The following CCNY variants were observed in gnomAD, a reference collection of about 807,000 sequenced individuals.
CCNY encodes the protein cyclin-Y.
CCNY carries 19 observed loss-of-function variants against 42.8 expected under a neutral mutation model. That is an observed-to-expected ratio of 0.44 (90% CI 0.31 to 0.65). The LOEUF is 0.65. Ranked by LOEUF, CCNY falls within the 30% of genes least tolerant of loss-of-function variation. The pLI, the probability that CCNY is intolerant of heterozygous loss-of-function variation, is 0.07. For synonymous variants in CCNY, 165 were observed against 162.7 expected, an observed-to-expected ratio of 1.01 and a Z score of -0.11; for missense variants, 370 against 437.3, an observed-to-expected ratio of 0.85 and a Z score of 1.37.
At chr10:35,250,193 C>CAAAAAA (rs71523370) in intron 2 of CCNY, among the ~76,000 whole-genome samples, 1 of 77,812 alleles carries the variant, frequency 1.3e-5, no homozygotes, top group Admixed American at 1.6e-4. Flanking sequence ...GACTCCATCT[C>CAAAAAA]AAAAAAAAAA....
chr10:35,269,617 CTT>C (rs1316358097), intron 3 of CCNY, among the ~76,000 whole-genome samples: 3 of 130,700 alleles, frequency 2.3e-5, no homozygotes, highest in South Asian at 2.4e-4. Context: ...GTTCGCCACT[CTT>C]TTTTTTTTTT....
intron 1 of CCNY, among the ~76,000 whole-genome samples, chr10:35,384,384 C>T (rs752730690): frequency 1.5e-4 from 23 of 152,116 alleles, no homozygotes; most frequent in Non-Finnish European, 2.4e-4. Flanking sequence ...TAGTCAGTTA[C>T]GTATTCCTCT....
chr10:35,552,643 T>A (rs1033610523), intron 7 of CCNY, among the ~76,000 whole-genome samples: 1 of 152,238 alleles, frequency 6.6e-6, no homozygotes, highest in Non-Finnish European at 1.5e-5. Flanking sequence ...ACAAAAAGCT[T>A]AATTTAAAAA....
intron 1 of CCNY, among the ~76,000 whole-genome samples, chr10:35,463,850 A>G (rs1012368905): frequency 6.6e-6 from 1 of 152,210 alleles, no homozygotes; most frequent in African/African-American, 2.4e-5. Context: ...GGATTTGGGA[A>G]GTAAGTTTAT....
chr10:35,336,932 C>T lies in CCNY; in HGVS notation c.-122C>T. The T allele has an allele frequency of 1.6e-6, 1 of 634,986 alleles. No homozygotes were observed. Among genetic ancestry groups the T allele is most frequent in the Non-Finnish European group, 2.0e-6 (1 of 490,780 alleles). The allele number at this position is 634,986 out of a possible 1,614,324, so 39.3% of individuals were successfully genotyped here. ...GGCCGGCCGCCGTTCCGCCCCCTCC[C>T]GTGGCGGCGAGCGGGCGGGCCTCCC... On this transcript the variant is annotated 5_prime_UTR_variant, in exon 1 of 10. Transcript: ENST00000374704.
intron 1 of CCNY, 46 bp from the exon 2 acceptor site, chr10:35,483,358 G>C: frequency 8.0e-7 from 1 of 1,256,750 alleles, no homozygotes; most frequent in Non-Finnish European, 1.2e-6. Context: ...ATTCCTCTTA[G>C]TTATCAGATG....
At chr10:35,412,171 C>T (rs1236966989) in intron 1 of CCNY, among the ~76,000 whole-genome samples, 1 of 152,142 alleles carries the variant, frequency 6.6e-6, no homozygotes, top group African/African-American at 2.4e-5. Flanking sequence ...CCACTTAATG[C>T]AAGGGCACAT....
intron 1 of CCNY, among the ~76,000 whole-genome samples, chr10:35,355,440 G>A (rs1836523848): frequency 6.6e-6 from 1 of 151,988 alleles, no homozygotes; most frequent in Non-Finnish European, 1.5e-5. Flanking sequence ...CACTTTGGGA[G>A]GCAGAGGCGG....
chr10:35,391,457 A>AG (rs1837411598), intron 1 of CCNY, among the ~76,000 whole-genome samples: 1 of 152,196 alleles, frequency 6.6e-6, no homozygotes, highest in Admixed American at 6.5e-5. Flanking sequence ...GCAGATGACC[A>AG]GGGGAACAGA....
Position 35,501,513 on chromosome 10 carries a change from G to C in CCNY, c.242G>C (p.Arg81Pro), listed in dbSNP as rs767302118. Reference sequence around the variant, plus strand: ...TTTGTTTTCACAGTGAGAGAAAAACGCAAGAGTCTCTTCATTAACCATGTA... The same window carrying C: ...TTTGTTTTCACAGTGAGAGAAAAACCCAAGAGTCTCTTCATTAACCATGTA... ...SKSQTDVREKRKSLFINHHPP... is the reference protein window; with the variant it reads ...SKSQTDVREKPKSLFINHHPP... Residue 81 changes from arginine (R) to proline (P), a missense_variant, in exon 3 of 10, where the codon CGC becomes CCC. By Grantham distance (103) the Arg-to-Pro change is moderately radical. Around this residue, in one of 2 missense-constraint regions of CCNY, gnomAD observed 136 missense variants for 124.2 expected, o/e 1.09. Coordinates refer to ENST00000374704, the MANE Select transcript of CCNY (RefSeq NM_145012.6). The C allele has an allele frequency of 6.2e-7, 1 of 1,613,806 alleles. No homozygotes were observed. Among genetic ancestry groups the C allele is most frequent in the Non-Finnish European group, 8.5e-7 (1 of 1,179,688 alleles).
intron 3 of CCNY, chr10:35,315,003 C>A (rs1450390260): frequency 6.6e-6 from 1 of 152,184 alleles, no homozygotes; most frequent in Non-Finnish European, 1.5e-5. Context: ...ATAGCTTGAA[C>A]CTGGGAGGCG....
In CCNY at chr10:35,572,144, G is replaced by T. The variant is rs928381289; in HGVS notation, c.*2974G>T. ...CTGGCTTTCCTGTCTGCCTGCTCTC[G>T]GGCTTGGGCAGAGCCATCTCCATCC... On this transcript the variant is annotated 3_prime_UTR_variant, in exon 10 of 10. Transcript: ENST00000374704. 2.0e-5 allele frequency: 3 copies of T among 152,074 alleles called. No homozygotes were observed. Among genetic ancestry groups the T allele is most frequent in the African/African-American group, 7.2e-5 (3 of 41,410 alleles). 9.4% of individuals were successfully genotyped at this position (152,074 alleles called of 1,614,324 possible).
At chr10:35,261,219 T>C (rs1182519251) in intron 3 of CCNY, among the ~76,000 whole-genome samples, 3 of 148,982 alleles carry the variant, frequency 2.0e-5, no homozygotes, top group Non-Finnish European at 4.5e-5. Flanking sequence ...AGCAAGACCC[T>C]GTCTCTAAAA....
chr10:35,475,189 A>C (rs1402416165), intron 1 of CCNY, among the ~76,000 whole-genome samples: 2 of 151,942 alleles, frequency 1.3e-5, no homozygotes, highest in Non-Finnish European at 2.9e-5. Flanking sequence ...GATGGGGAGA[A>C]TGGAACCAAG....
chr10:35,434,740 T>C (rs1260726181), intron 1 of CCNY, among the ~76,000 whole-genome samples: 1 of 152,224 alleles, frequency 6.6e-6, no homozygotes, highest in African/African-American at 2.4e-5. Context: ...GCCTTGTTCA[T>C]ATCACAGTTC....
chr10:35,422,501 A>G (rs1053029454), intron 1 of CCNY, among the ~76,000 whole-genome samples: 1 of 152,208 alleles, frequency 6.6e-6, no homozygotes, highest in African/African-American at 2.4e-5. Flanking sequence ...ATTAAATGTG[A>G]GTAAGTAGCA....
At chr10:35,526,315 T>C (rs1405860027) in intron 5 of CCNY, among the ~76,000 whole-genome samples, 7 of 152,228 alleles carry the variant, frequency 4.6e-5, no homozygotes, top group Admixed American at 1.3e-4. Flanking sequence ...AATGTCACTT[T>C]AAAAGTTCAC....
At chr10:35,510,391 A>AT (rs1225573429) in intron 3 of CCNY, among the ~76,000 whole-genome samples, 2 of 151,820 alleles carry the variant, frequency 1.3e-5, no homozygotes, top group Admixed American at 1.3e-4. Context: ...ATTTATTTCT[A>AT]TTTTTTGTAG....
At chr10:35,568,573 C>T (rs1406502970) in intron 9 of CCNY, among the ~76,000 whole-genome samples, 1 of 152,228 alleles carries the variant, frequency 6.6e-6, no homozygotes, top group African/African-American at 2.4e-5. Context: ...TCTGTGGAGT[C>T]CCTAGCTGGT....
Sources: gnomAD v4.1 joint callset for allele counts (sites outside exome capture counted in the v4.1 genomes callset) on GRCh38, gnomAD v4.1.1 for gene constraint, gnomAD v4.1.1 regional missense constraint, MANE v1.5 for transcripts, NCBI Gene and HGNC (gene_info 2026-07-23, HGNC 2026-07-21) for gene names.